SLC12A3: variants seen among roughly 807,000 people sequenced by gnomAD.
The protein encoded by SLC12A3 is Na-Cl cotransporter.
In SLC12A3, 104 loss-of-function variants were observed where a neutral mutation model predicts 121.0. That is an observed-to-expected ratio of 0.86 (90% confidence interval 0.73 to 1.01). The LOEUF (loss-of-function observed/expected upper bound fraction) is 1.01. SLC12A3 is among the 50% of genes least tolerant of loss of function. SLC12A3 has a pLI of 0.00. For synonymous variants in SLC12A3, 536 were observed against 533.4 expected (o/e 1.00, Z -0.07); for missense variants, 1,328 against 1,356.3 (o/e 0.98, Z 0.33).
rs535923100 is a variant in SLC12A3 at position 56,915,390 on chromosome 16, G to A, written c.*1985G>A. 32 of 152,308 alleles carry A rather than the reference G, an allele frequency of 2.1e-4. No individual in the cohort carries two copies. The highest frequency in any genetic ancestry group is 7.7e-4 in the African/African-American group (32 of 41,572). The allele number at this position is 152,308 out of a possible 1,614,324, so 9.4% of individuals were successfully genotyped here. Reference sequence around the variant, plus strand: ...CCCAAAGGATGTTAGCATTTCTCAGGTCATCCCACTGCAAAGCCCAGAAGG... The same window carrying A: ...CCCAAAGGATGTTAGCATTTCTCAGATCATCCCACTGCAAAGCCCAGAAGG... On this transcript the variant is annotated 3_prime_UTR_variant, in exon 26 of 26. Transcript: ENST00000563236.
At chr16:56,899,508 A>C (rs1247659975) in intron 22 of SLC12A3, 22 bp from the exon 23 acceptor site, 1 of 1,587,954 alleles carries the variant, frequency 6.3e-7, no homozygotes, top group Admixed American at 1.7e-5. Context: ...TAATAACAAT[A>C]AACCCTCCAT....
chr16:56,890,555 C>G (rs1208256561), intron 19 of SLC12A3, among the ~76,000 whole-genome samples, 199 bp downstream of exon 19: 1 of 152,174 alleles, frequency 6.6e-6, no homozygotes, highest in Non-Finnish European at 1.5e-5. Flanking sequence ...TGGGGCAGAG[C>G]CAGGACTGGA....
chr16:56,865,428 C>T lies in SLC12A3; in HGVS notation c.193C>T (p.Pro65Ser). The T allele has an allele frequency of 6.2e-7, 1 of 1,614,158 alleles. No individual in the cohort carries two copies. The highest frequency in any genetic ancestry group is 1.7e-5 in the Admixed American group (1 of 60,030). ...TGGCTACAACACGATCGATGTGGTGCCCACATATGAGCACTATGCCAACAG... is the reference window on the plus strand; with the variant it reads ...TGGCTACAACACGATCGATGTGGTGTCCACATATGAGCACTATGCCAACAG... ...TFGYNTIDVV[P>S]TYEHYANSTQ... The change falls in exon 1 of 26, where the codon CCC becomes TCC. Residue 65 changes from proline to serine, a missense_variant. Coordinates refer to ENST00000563236, the MANE Select transcript of SLC12A3 (RefSeq NM_001126108.2).
At chr16:56,866,339 T>C (rs2144680472) in intron 1 of SLC12A3, among the ~76,000 whole-genome samples, 1 of 152,238 alleles carries the variant, frequency 6.6e-6, no homozygotes, top group African/African-American at 2.4e-5. Flanking sequence ...AGGCCTTTTC[T>C]CCACCCCAGA....
chr16:56,882,385 G>T lies in SLC12A3; in HGVS notation c.1568-11G>T. Reference sequence around the variant, plus strand: ...CAACAGGCTGTCCTCTCTCTCCCTGGGTCCCCGAAGCTGAGCTCAACACCA... The same window carrying T: ...CAACAGGCTGTCCTCTCTCTCCCTGTGTCCCCGAAGCTGAGCTCAACACCA... On this transcript the variant is annotated splice_polypyrimidine_tract_variant and intron_variant, in intron 12 of 25. Transcript: ENST00000563236. 6.2e-7 allele frequency: 1 copy of T among 1,610,526 alleles called. No homozygotes were observed. The highest frequency in any genetic ancestry group is 8.5e-7 in the Non-Finnish European group (1 of 1,176,770).
At chr16:56,904,773 C>A in intron 25 of SLC12A3, 1 of 384,638 alleles carries the variant, frequency 2.6e-6, no homozygotes. Flanking sequence ...AAGAGGGAAC[C>A]CAGCTCTTTC....
chr16:56,887,160 T>A (rs1047053135), intron 17 of SLC12A3, 67 bp downstream of exon 17: 9 of 1,606,348 alleles, frequency 5.6e-6, no homozygotes, highest in Non-Finnish European at 7.7e-6. Flanking sequence ...AGGCAGAAAG[T>A]CTTGGCGGCC....
chr16:56,891,277 T>TGGGAGGATCGCTTGA (rs2055384662), intron 19 of SLC12A3, among the ~76,000 whole-genome samples: 1 of 138,624 alleles, frequency 7.2e-6, no homozygotes, highest in Non-Finnish European at 1.5e-5. Context: ...GAAGCTGAGA[T>TGGGAGGATCGCTTGA]GGGAGGATCG....
chr16:56,880,571 C>T (rs1279234432), intron 12 of SLC12A3, among the ~76,000 whole-genome samples: 1 of 152,146 alleles, frequency 6.6e-6, no homozygotes, highest in Non-Finnish European at 1.5e-5. Context: ...CTAGCATCCC[C>T]CTCCCCAGGC....
chr16:56,895,192 A>AGTTTTT (rs2055445518), intron 22 of SLC12A3, among the ~76,000 whole-genome samples: 1 of 126,682 alleles, frequency 7.9e-6, no homozygotes, highest in African/African-American at 3.1e-5. Context: ...ATATATTTTA[A>AGTTTTT]TTTTTTTTTT....
At chr16:56,908,773 C>T (rs1211320794) in intron 25 of SLC12A3, among the ~76,000 whole-genome samples, 1 of 152,214 alleles carries the variant, frequency 6.6e-6, no homozygotes, top group African/African-American at 2.4e-5. Flanking sequence ...CTCTTGCCAA[C>T]ACCTAGCAGA....
At chr16:56,881,415 C>T (rs1327321342) in intron 12 of SLC12A3, among the ~76,000 whole-genome samples, 1 of 151,716 alleles carries the variant, frequency 6.6e-6, no homozygotes, top group Non-Finnish European at 1.5e-5. Flanking sequence ...CTGCAATGTA[C>T]CCTGATGCAG....
intron 24 of SLC12A3, among the ~76,000 whole-genome samples, chr16:56,903,892 A>G (rs2055571776): frequency 6.6e-6 from 1 of 152,232 alleles, no homozygotes; most frequent in Admixed American, 6.5e-5. Context: ...ATACTCTGTT[A>G]CAGAAGAAGT....
chr16:56,866,707 A>G (rs1417474875), intron 1 of SLC12A3, among the ~76,000 whole-genome samples: 1 of 152,128 alleles, frequency 6.6e-6, no homozygotes, highest in African/African-American at 2.4e-5. Context: ...CCTGGCTTCA[A>G]GAGATCCTCC....
intron 10 of SLC12A3, 69 bp from the exon 11 acceptor site, chr16:56,879,473 G>T: frequency 7.5e-7 from 1 of 1,335,460 alleles, no homozygotes; most frequent in South Asian, 1.2e-5. Flanking sequence ...AGTAGGGAAT[G>T]AAGTGCCACA....
Position 56,865,494 on chromosome 16 carries a change from G to A in SLC12A3, c.259G>A (p.Ala87Thr), listed in dbSNP as rs1208311186. 1.2e-6 allele frequency: 2 copies of A among 1,613,246 alleles called. No homozygotes were observed. Among genetic ancestry groups the A allele is most frequent in the Admixed American group, 1.7e-5 (1 of 60,034 alleles). Residue 87 changes from alanine (A) to threonine (T), a missense_variant, in exon 1 of 26, where the codon GCT becomes ACT. Ala to Thr is a moderately conservative substitution (Grantham distance 58, BLOSUM62 0). Transcript: ENST00000563236. The stretch of plus-strand genomic sequence containing the variant: ...GCCCCGGAAGGTCCGGCCCACACTG[G>A]CTGACCTGCACTCCTTCCTCAAGGT... ...GEPRKVRPTL[A>T]DLHSFLKQEG...
intron 25 of SLC12A3, among the ~76,000 whole-genome samples, chr16:56,910,847 G>GA (rs1176446717): frequency 5.9e-5 from 9 of 152,276 alleles, no homozygotes; most frequent in East Asian, 1.9e-4. Context: ...ATGTAATTCT[G>GA]AAAAAATGTT....
chr16:56,891,153 C>G (rs962312417), intron 19 of SLC12A3, among the ~76,000 whole-genome samples: 1 of 151,684 alleles, frequency 6.6e-6, no homozygotes, highest in South Asian at 2.1e-4. Context: ...GCAGGTGGAT[C>G]GCTTGAGTCT....
Position 56,867,098 on chromosome 16 carries a change from C to T in SLC12A3, c.311C>T (p.Ala104Val). The T allele has an allele frequency of 1.2e-6, 2 of 1,613,762 alleles. No homozygotes were observed. Among genetic ancestry groups the T allele is most frequent in the Non-Finnish European group, 1.7e-6 (2 of 1,180,022 alleles). The change falls in exon 2 of 26, where the codon GCC (alanine) becomes GTC (valine). Residue 104 changes from alanine to valine, a missense_variant. Physicochemically the swap from Ala to Val is moderately conservative, Grantham distance 64 (BLOSUM62 0). Transcript: ENST00000563236. ...KQEGRHLHAL[A>V]FDSRPSHEMT... ...GAAGGCAGACACCTGCATGCCCTGG[C>T]CTTTGACAGCCGGCCCAGCCACGAG...
Sources: allele counts gnomAD v4.1 joint callset (sites outside exome capture counted in the v4.1 genomes callset), GRCh38; gene constraint gnomAD v4.1.1; transcripts MANE v1.5; gene names NCBI Gene and HGNC (gene_info 2026-07-23, HGNC 2026-07-21).